The following ERBB4 variants were observed in gnomAD, a reference collection of about 807,000 sequenced individuals.
ERBB4 encodes the protein erb-b2 receptor tyrosine kinase 4.
Under a neutral mutation model 158.0 loss-of-function variants are expected in ERBB4, and 42 were observed. The observed-to-expected ratio is 0.27, with a 90% CI of 0.21 to 0.34. The LOEUF (loss-of-function observed/expected upper bound fraction) is 0.34. ERBB4 is among the 10% of genes least tolerant of loss of function. The pLI, the probability that ERBB4 is intolerant of heterozygous loss-of-function variation, is 1.00. For missense variants in ERBB4, 1,333 were observed against 1,624.1 expected (o/e 0.82, Z 3.08); for synonymous variants, 583 against 558.7 (o/e 1.04, Z -0.61).
rs1208736417 is a variant in ERBB4 at position 212,133,422 on chromosome 2, TG to T, written c.83-8520del. Among the ~76,000 whole-genome samples, 233 of 143,346 alleles carry T rather than the reference TG, an allele frequency of 1.6e-3. 3 individuals are homozygous for T. The highest frequency in any genetic ancestry group is 6.1e-3 in the African/African-American group (219 of 36,100). The allele number at this position is 143,346 out of a possible 152,430, so 94.0% of individuals were successfully genotyped here. A position where few individuals can be genotyped will look rare whatever the true frequency, so the allele number is the denominator to read the frequency against. ...TTTTTTTTTTGTTTTGTTTTGTTTT[TG>T]TTTTTTTTTTTGCTATGTGAATTTA... On this transcript the variant is annotated intron_variant, in intron 1 of 27. Coordinates refer to ENST00000342788, the MANE Select transcript of ERBB4 (RefSeq NM_005235.3).
chr2:211,666,893 A>G (rs2071651471), intron 14 of ERBB4, among the ~76,000 whole-genome samples: 1 of 152,220 alleles, frequency 6.6e-6, no homozygotes, highest in African/African-American at 2.4e-5. Context: ...ATTTGTAGTT[A>G]TAAACAATGA....
chr2:212,256,744 A>G (rs1211850886), intron 1 of ERBB4, among the ~76,000 whole-genome samples: 1 of 152,164 alleles, frequency 6.6e-6, no homozygotes, highest in African/African-American at 2.4e-5. Flanking sequence ...CTGGATCTAC[A>G]TGATTTTAAA....
rs936879032 is a variant in ERBB4 at position 211,669,786 on chromosome 2, G to C, written c.1716+3378C>G. Among the ~76,000 whole-genome samples the C allele has an allele frequency of 2.0e-5, 3 of 152,058 alleles. No homozygotes were observed. In the South Asian group the frequency reaches 6.2e-4, roughly 32 times the overall value. On this transcript the variant is annotated intron_variant, in intron 14 of 27. Transcript: ENST00000342788. ...GCACTGAAGACATTGTTTCCTGGGG[G>C]ACAAAAAACTGAGATGTACGAGAAA... is the stretch of plus-strand genomic sequence containing the variant.
At chr2:212,002,598 G>T (rs544454901) in intron 2 of ERBB4, among the ~76,000 whole-genome samples, 1 of 152,052 alleles carries the variant, frequency 6.6e-6, no homozygotes, top group Non-Finnish European at 1.5e-5. Flanking sequence ...TATAATACAG[G>T]CAACAAACAA....
intron 1 of ERBB4, among the ~76,000 whole-genome samples, chr2:212,233,271 A>G (rs548194064): frequency 6.6e-6 from 1 of 152,288 alleles, no homozygotes; most frequent in African/African-American, 2.4e-5. Flanking sequence ...TAAATCTTGA[A>G]ATCCACTCTA....
chr2:211,562,833 G>A (rs1475345925), intron 19 of ERBB4, among the ~76,000 whole-genome samples: 3 of 143,686 alleles, frequency 2.1e-5, no homozygotes, highest in Admixed American at 6.9e-5. Flanking sequence ...GTGCAGTGGC[G>A]GGATCTCGGC....
chr2:211,554,481 C>G (rs577154734), intron 20 of ERBB4, among the ~76,000 whole-genome samples: 2 of 152,352 alleles, frequency 1.3e-5, no homozygotes, highest in East Asian at 3.9e-4. Flanking sequence ...ACAGCACACG[C>G]AGTGCTGGAG....
rs573861850 is a variant in ERBB4, at chr2:211,741,656, CA to C, written c.622+8982del. 3.6e-3 allele frequency among the ~76,000 whole-genome samples: 544 copies of C among 152,148 alleles called. 2 individuals are homozygous for C. Among genetic ancestry groups the C allele is most frequent in the Middle Eastern group, 0.01 (3 of 294 alleles). On this transcript the variant is annotated intron_variant, in intron 5 of 27. Transcript: ENST00000342788. ...CCTCACCTTTGTCTTGTATCTAACC[CA>C]CAGTATGGCCACAGAACAGGAACAA...
intron 2 of ERBB4, among the ~76,000 whole-genome samples, chr2:212,016,455 C>G (rs2125318937): frequency 6.6e-6 from 1 of 152,106 alleles, no homozygotes; most frequent in African/African-American, 2.4e-5. Flanking sequence ...GTAACATATT[C>G]ATATCTAGCA....
In ERBB4 at chr2:211,971,746, T is replaced by C. The variant is rs374608450; in HGVS notation, c.235-24130A>G. Among the ~76,000 whole-genome samples, 7 of 152,282 alleles carry C rather than the reference T, an allele frequency of 4.6e-5. No homozygotes were observed. The South Asian group carries it at 1.0e-3, about 23-fold the overall frequency. ...TCCAGGAAACAAGGTTGGTTAAATA[T>C]ATGCAAGTAAATAAATGTGATTCAT... On this transcript the variant is annotated intron_variant, in intron 2 of 27. Coordinates refer to ENST00000342788, the MANE Select transcript of ERBB4 (RefSeq NM_005235.3).
At chr2:212,385,775 C>A (rs1296829769) in intron 1 of ERBB4, among the ~76,000 whole-genome samples, 1 of 151,638 alleles carries the variant, frequency 6.6e-6, no homozygotes, top group Non-Finnish European at 1.5e-5. Flanking sequence ...AAGCAGTAAT[C>A]CTATACTTGA....
At chr2:211,466,229 A>G (rs1322113799) in intron 20 of ERBB4, among the ~76,000 whole-genome samples, 1 of 152,018 alleles carries the variant, frequency 6.6e-6, no homozygotes, top group Non-Finnish European at 1.5e-5. Flanking sequence ...GTTTAGCGTA[A>G]TAGCCTTCAC....
chr2:212,384,449 A>C (rs1241574520), intron 1 of ERBB4, among the ~76,000 whole-genome samples: 1 of 151,572 alleles, frequency 6.6e-6, no homozygotes, highest in Admixed American at 6.6e-5. Context: ...TTGGCTGTCT[A>C]GGGCAAGAGG....
At chr2:212,446,298 T>C (rs2092347029) in intron 1 of ERBB4, among the ~76,000 whole-genome samples, 1 of 151,616 alleles carries the variant, frequency 6.6e-6, no homozygotes, top group Admixed American at 6.6e-5. Context: ...AGATTAACAT[T>C]TGAGTCACTG....
intron 1 of ERBB4, among the ~76,000 whole-genome samples, chr2:212,308,316 T>C (rs1169546757): frequency 1.3e-5 from 2 of 151,136 alleles, no homozygotes; most frequent in Non-Finnish European, 3.0e-5. Context: ...CATTCATACA[T>C]TCTTTGCAGA....
intron 2 of ERBB4, among the ~76,000 whole-genome samples, chr2:212,094,875 G>T (rs1313253929): frequency 1.3e-5 from 2 of 152,036 alleles, no homozygotes; most frequent in African/African-American, 4.8e-5. Flanking sequence ...ATGTCATAAA[G>T]ATTATTTATT....
intron 2 of ERBB4, among the ~76,000 whole-genome samples, chr2:212,061,724 C>G (rs953125657): frequency 2.0e-5 from 3 of 150,280 alleles, no homozygotes; most frequent in Non-Finnish European, 3.0e-5. Context: ...TCTTTCTTTT[C>G]CTTTTTTCTT....
intron 4 of ERBB4, among the ~76,000 whole-genome samples, chr2:211,764,260 T>C (rs1327915606): frequency 1.3e-5 from 2 of 152,224 alleles, no homozygotes; most frequent in Non-Finnish European, 2.9e-5. Context: ...TTATTATTTA[T>C]AGAAAAAAGA....
At chr2:212,100,253 A>G (rs1020999244) in intron 2 of ERBB4, among the ~76,000 whole-genome samples, 2 of 152,144 alleles carry the variant, frequency 1.3e-5, no homozygotes, top group Non-Finnish European at 2.9e-5. Flanking sequence ...TTTACTGCAA[A>G]AGAAGCAGCA....
Sources: gnomAD v4.1 joint callset for allele counts (sites outside exome capture counted in the v4.1 genomes callset) on GRCh38, gnomAD v4.1.1 for gene constraint, MANE v1.5 for transcripts, NCBI Gene and HGNC (gene_info 2026-07-23, HGNC 2026-07-21) for gene names.